Variants in ANKRD30BL observed in about 807,000 individuals in gnomAD.
ANKRD30BL encodes the protein putative ankyrin repeat domain-containing protein 30B-like.
ANKRD30BL carries 20 observed loss-of-function variants against 18.4 expected under a neutral mutation model. The ratio of observed to expected loss-of-function variants is 1.09; its 90% CI spans 0.77 to 1.58. The LOEUF is 1.58. Among genes scored for constraint, ANKRD30BL ranks in the 40% most tolerant of loss-of-function variants. The pLI is 0.00. For missense variants in ANKRD30BL, 224 were observed against 268.6 expected (o/e 0.83, Z 1.16); for synonymous variants, 72 against 100.9 (o/e 0.71, Z 1.72).
chr2:132,240,630 C>A (rs114326328), intron 1 of ANKRD30BL, among the ~76,000 whole-genome samples: 3 of 150,654 alleles, frequency 2.0e-5, no homozygotes, highest in Non-Finnish European at 4.5e-5. Context: ...TATAGGGATA[C>A]CTTTGAGAAT....
chr2:132,208,558 G>T (rs1333100848), intron 1 of ANKRD30BL, among the ~76,000 whole-genome samples: 2 of 152,124 alleles, frequency 1.3e-5, no homozygotes, highest in Admixed American at 1.3e-4. Flanking sequence ...GACAAAAATA[G>T]TTATACTTCT....
chr2:132,184,861 T>A (rs1216598101), intron 1 of ANKRD30BL, among the ~76,000 whole-genome samples: 1 of 152,004 alleles, frequency 6.6e-6, no homozygotes, highest in Non-Finnish European at 1.5e-5. Flanking sequence ...TCACCCAGGC[T>A]GGAGTGCAGT....
chr2:132,162,960 G>C (rs544919912), upstream of ANKRD30BL, among the ~76,000 whole-genome samples: 246 of 152,252 alleles, frequency 1.6e-3, 1 homozygote, highest in South Asian at 1.0e-2. Flanking sequence ...CGTTTAGAGG[G>C]CTTCAAGGTT....
chr2:132,160,371 G>T (rs1688020854), intron 1 of ANKRD30BL, among the ~76,000 whole-genome samples: 1 of 147,498 alleles, frequency 6.8e-6, no homozygotes, highest in Admixed American at 6.8e-5. Context: ...GAAGTGCTGG[G>T]ACTACAGGCA....
chr2:132,233,963 G>A (rs1363046949), intron 1 of ANKRD30BL, among the ~76,000 whole-genome samples: 2 of 152,028 alleles, frequency 1.3e-5, no homozygotes, highest in Non-Finnish European at 2.9e-5. Context: ...AAATGTAAAA[G>A]AACAGAAATT....
At chr2:132,174,688 C>A (rs1688332096) in intron 1 of ANKRD30BL, among the ~76,000 whole-genome samples, 2 of 152,172 alleles carry the variant, frequency 1.3e-5, no homozygotes, top group African/African-American at 4.8e-5. Flanking sequence ...CTTCATTTGA[C>A]AGTTTAAGAA....
chr2:132,192,183 T>C (rs972303170), intron 1 of ANKRD30BL, among the ~76,000 whole-genome samples: 6 of 152,098 alleles, frequency 3.9e-5, no homozygotes, highest in African/African-American at 1.4e-4. Flanking sequence ...CTAAGCAACA[T>C]AACACAAGTA....
chr2:132,212,715 CT>C (rs1454910785), intron 1 of ANKRD30BL, among the ~76,000 whole-genome samples: 1 of 151,884 alleles, frequency 6.6e-6, no homozygotes, highest in Non-Finnish European at 1.5e-5. Context: ...TTGAACCTTT[CT>C]TTTCTTTGAG....
intron 1 of ANKRD30BL, among the ~76,000 whole-genome samples, chr2:132,242,483 A>G (rs78807755): frequency 6.6e-6 from 1 of 151,270 alleles, no homozygotes; most frequent in Admixed American, 6.6e-5. Context: ...TGATTTTGTA[A>G]TATCTGGAAC....
At chr2:132,206,138 A>T (rs888516291) in intron 1 of ANKRD30BL, among the ~76,000 whole-genome samples, 3 of 152,154 alleles carry the variant, frequency 2.0e-5, no homozygotes, top group African/African-American at 7.2e-5. Flanking sequence ...AGCATGGGTG[A>T]CAGAGCAAGA....
intron 1 of ANKRD30BL, among the ~76,000 whole-genome samples, chr2:132,235,059 C>G (rs1467431205): frequency 6.6e-6 from 1 of 152,052 alleles, no homozygotes; most frequent in African/African-American, 2.4e-5. Flanking sequence ...TGTAATCCAG[C>G]ATATAAACAG....
intron 1 of ANKRD30BL, among the ~76,000 whole-genome samples, chr2:132,171,972 C>T (rs556859080): frequency 4.6e-5 from 7 of 152,314 alleles, no homozygotes; most frequent in Admixed American, 4.6e-4. Context: ...CCTTTTGCAT[C>T]TGGATTATTT....
At position 132,148,146 on chromosome 2, in the gene ANKRD30BL, T is replaced by G; in HGVS notation, c.762A>C (p.Arg254Ser). 2 of 1,597,050 alleles carry G rather than the reference T, an allele frequency of 1.3e-6. No homozygotes were observed. Among genetic ancestry groups the G allele is most frequent in the Non-Finnish European group, 1.7e-6 (2 of 1,171,622 alleles). Residue 254 changes from arginine to serine, a missense_variant, in exon 6 of 6, where the codon AGA becomes AGC. Around this residue, in one of 3 missense-constraint regions of ANKRD30BL, gnomAD observed 63 missense variants for 62.3 expected, o/e 1.01. Coordinates refer to ENST00000409867, the MANE Select transcript of ANKRD30BL (RefSeq NM_001358416.1). ...TPDTAESLVE[R>S]TPDE ...TCACTGTATCCTATTCATCAGGTGT[T>G]CTTTCCACCAAGCTTTCAGCCGTGT... is the stretch of plus-strand genomic sequence containing the variant.
chr2:132,161,853 A>G lies in ANKRD30BL; in HGVS notation c.-148T>C, dbSNP rs79302773. Reference sequence around the variant, plus strand: ...TCGGGCCAAGCTTTTGGACACTCCAACCTCTCCCGGGAGAAAATGGCTGCG... The same window carrying G: ...TCGGGCCAAGCTTTTGGACACTCCAGCCTCTCCCGGGAGAAAATGGCTGCG... On this transcript the variant is annotated 5_prime_UTR_variant, in exon 1 of 6. Transcript: ENST00000409867. 6.6e-6 allele frequency: 4 copies of G among 607,204 alleles called. No individual in the cohort carries two copies. The highest frequency in any genetic ancestry group is 4.0e-5 in the South Asian group (2 of 49,968). 37.6% of individuals were successfully genotyped at this position (607,204 alleles called of 1,614,324 possible).
chr2:132,208,017 G>T (rs927181343), intron 1 of ANKRD30BL, among the ~76,000 whole-genome samples: 8 of 151,936 alleles, frequency 5.3e-5, no homozygotes, highest in African/African-American at 1.9e-4. Flanking sequence ...TGTACAAAAG[G>T]CTTTTACTCC....
At chr2:132,183,788 T>C (rs1474903064) in intron 1 of ANKRD30BL, among the ~76,000 whole-genome samples, 2 of 152,174 alleles carry the variant, frequency 1.3e-5, no homozygotes, top group African/African-American at 4.8e-5. Flanking sequence ...TATTTGTATA[T>C]ATATGCATGT....
chr2:132,173,033 T>C (rs562454007), intron 1 of ANKRD30BL, among the ~76,000 whole-genome samples: 101 of 111,076 alleles, frequency 9.1e-4, no homozygotes, highest in African/African-American at 2.8e-3. Context: ...CACAGAACTT[T>C]TACTTTTGAT....
intron 1 of ANKRD30BL, among the ~76,000 whole-genome samples, chr2:132,169,452 TCATGGCCAC>T (rs1688239742): frequency 6.6e-6 from 1 of 152,114 alleles, no homozygotes; most frequent in Non-Finnish European, 1.5e-5. Flanking sequence ...ATCGAGACCA[TCATGGCCAC>T]CATGGTGAAA....
chr2:132,250,454 C>G (rs1680620756), intron 1 of ANKRD30BL, among the ~76,000 whole-genome samples: 2 of 152,216 alleles, frequency 1.3e-5, no homozygotes, highest in Admixed American at 6.5e-5. Context: ...AGAAACACTG[C>G]TTGTGGTGCA....
Sources: gnomAD v4.1 joint callset for allele counts (sites outside exome capture counted in the v4.1 genomes callset) on GRCh38, gnomAD v4.1.1 for gene constraint, gnomAD v4.1.1 regional missense constraint, MANE v1.5 for transcripts, NCBI Gene and HGNC (gene_info 2026-07-23, HGNC 2026-07-21) for gene names.